The following UBE2H variants were observed in gnomAD, a reference collection of about 807,000 sequenced individuals.
UBE2H encodes ubiquitin conjugating enzyme E2 H.
Under a neutral mutation model 29.0 loss-of-function variants are expected in UBE2H, and 3 were observed. That is an observed-to-expected ratio of 0.10 (90% CI 0.05 to 0.27). The LOEUF is 0.27. UBE2H is among the 10% of genes least tolerant of loss of function. The pLI, the probability that UBE2H is intolerant of heterozygous loss-of-function variation, is 1.00. For synonymous variants in UBE2H, 69 were observed against 82.9 expected, an observed-to-expected ratio of 0.83 and a Z score of 0.91; for missense variants, 68 against 228.2, an observed-to-expected ratio of 0.30 and a Z score of 4.52.
intron 5 of UBE2H, among the ~76,000 whole-genome samples, chr7:129,841,246 C>T (rs745685326): frequency 3.9e-5 from 6 of 152,178 alleles, no homozygotes; most frequent in Non-Finnish European, 8.8e-5. Flanking sequence ...TATAGGTCAA[C>T]AAATCGATGT....
intron 3 of UBE2H, among the ~76,000 whole-genome samples, chr7:129,878,276 G>T (rs1275384480): frequency 1.3e-5 from 2 of 152,082 alleles, no homozygotes; most frequent in Non-Finnish European, 2.9e-5. Flanking sequence ...CATTCACAAC[G>T]CTGAAACTTA....
chr7:129,952,657 G>T lies in UBE2H; in HGVS notation c.-102C>A. ...CCGCGCCGGCTCCTCGGTGGAGGTG[G>T]CAACACCCCCGCGGTCCCGGCGGTC... On this transcript the variant is annotated 5_prime_UTR_variant, in exon 1 of 7. Coordinates refer to ENST00000355621, the MANE Select transcript of UBE2H (RefSeq NM_003344.4). The T allele has an allele frequency of 7.1e-7, 1 of 1,418,224 alleles. No individual in the cohort carries two copies. The highest frequency in any genetic ancestry group is 9.5e-7 in the Non-Finnish European group (1 of 1,057,428). 87.9% of individuals were successfully genotyped at this position (1,418,224 alleles called of 1,614,324 possible). A position where few individuals can be genotyped will look rare whatever the true frequency, so the allele number is the denominator to read the frequency against.
chr7:129,870,372 T>C (rs958840689), intron 3 of UBE2H, among the ~76,000 whole-genome samples: 1 of 152,322 alleles, frequency 6.6e-6, no homozygotes, highest in Admixed American at 6.5e-5. Flanking sequence ...TCCCAGCACA[T>C]TGGGAGGCCA....
At chr7:129,941,660 C>T (rs1271428066) in intron 1 of UBE2H, among the ~76,000 whole-genome samples, 1 of 152,038 alleles carries the variant, frequency 6.6e-6, no homozygotes, top group African/African-American at 2.4e-5. Context: ...TGATGGCTTG[C>T]TGCACCCTCA....
At chr7:129,890,545 A>C (rs1185807509) in intron 1 of UBE2H, among the ~76,000 whole-genome samples, 2 of 151,914 alleles carry the variant, frequency 1.3e-5, no homozygotes, top group Non-Finnish European at 2.9e-5. Flanking sequence ...ATGCATGGCT[A>C]ATTTTTGTAT....
intron 5 of UBE2H, among the ~76,000 whole-genome samples, chr7:129,845,314 T>C (rs77321232): frequency 6.6e-6 from 1 of 152,144 alleles, no homozygotes; most frequent in Admixed American, 6.5e-5. Context: ...GGGATCTGTA[T>C]GTGTGTGATA....
intron 3 of UBE2H, among the ~76,000 whole-genome samples, chr7:129,871,639 G>A (rs553956884): frequency 2.0e-5 from 3 of 151,886 alleles, no homozygotes; most frequent in South Asian, 2.1e-4. Flanking sequence ...ACTTGAACCC[G>A]GGGGGCAGAG....
chr7:129,837,075 CATGTACTATA>C (rs1307563186), intron 6 of UBE2H, among the ~76,000 whole-genome samples: 1 of 152,064 alleles, frequency 6.6e-6, no homozygotes, highest in Middle Eastern at 3.2e-3. Context: ...CTTTTTCAAA[CATGTACTATA>C]ATACAGCGCC....
intron 5 of UBE2H, among the ~76,000 whole-genome samples, chr7:129,852,591 A>C (rs1473211206): frequency 6.6e-6 from 1 of 152,226 alleles, no homozygotes; most frequent in East Asian, 1.9e-4. Flanking sequence ...GACTTTTCCC[A>C]AATGTTGATT....
chr7:129,870,776 T>C (rs1806014296), intron 3 of UBE2H, among the ~76,000 whole-genome samples: 3 of 152,136 alleles, frequency 2.0e-5, no homozygotes. Flanking sequence ...GTAATCTTTC[T>C]ATTACATTTA....
chr7:129,839,181 C>T, intron 6 of UBE2H, 26 bp downstream of exon 6: 1 of 1,603,340 alleles, frequency 6.2e-7, no homozygotes, highest in Non-Finnish European at 8.5e-7. Context: ...TCTTTTGTCT[C>T]CAGGTTAAAC....
intron 6 of UBE2H, among the ~76,000 whole-genome samples, chr7:129,836,879 C>CAAAA (rs61226846): frequency 0.011 from 838 of 73,652 alleles, 87 homozygotes; most frequent in Non-Finnish European, 0.017. Flanking sequence ...GACTCCGTCT[C>CAAAA]AAAAAAAAAA....
At chr7:129,838,936 C>T (rs1442692124) in intron 6 of UBE2H, among the ~76,000 whole-genome samples, 3 of 152,124 alleles carry the variant, frequency 2.0e-5, no homozygotes, top group African/African-American at 7.2e-5. Context: ...CACGGCCAGT[C>T]GCAAACTTAT....
intron 1 of UBE2H, among the ~76,000 whole-genome samples, chr7:129,917,926 A>G (rs1807076596): frequency 6.6e-6 from 1 of 152,242 alleles, no homozygotes; most frequent in Admixed American, 6.5e-5. Flanking sequence ...CAAGTGTGAG[A>G]CTTCTCACCA....
rs143109706 is a variant in UBE2H at position 129,835,798 on chromosome 7, G to A, written c.428-737C>T. Among the ~76,000 whole-genome samples, 7 of 152,200 alleles carry A rather than the reference G, an allele frequency of 4.6e-5. No individual in the cohort carries two copies. In the East Asian group the frequency reaches 1.4e-3, roughly 29 times the overall value. On this transcript the variant is annotated intron_variant, in intron 6 of 6. Coordinates refer to ENST00000355621, the MANE Select transcript of UBE2H (RefSeq NM_003344.4). ...TCAAGTGAACAGCCTCCACACAATA[G>A]GAAAAGACATGACAGAAACCTATTC...
At chr7:129,845,392 G>A (rs1028092624) in intron 5 of UBE2H, among the ~76,000 whole-genome samples, 2 of 152,142 alleles carry the variant, frequency 1.3e-5, no homozygotes, top group African/African-American at 4.8e-5. Flanking sequence ...CCAAAGAATA[G>A]ACGGGAAGGA....
At chr7:129,887,592 G>A (rs1584766401) in intron 1 of UBE2H, among the ~76,000 whole-genome samples, 1 of 152,242 alleles carries the variant, frequency 6.6e-6, no homozygotes, top group East Asian at 1.9e-4. Context: ...AAGTTTTCCT[G>A]AGGTGCGACA....
At chr7:129,872,753 G>A (rs969794535) in intron 3 of UBE2H, among the ~76,000 whole-genome samples, 5 of 135,658 alleles carry the variant, frequency 3.7e-5, no homozygotes, top group Non-Finnish European at 4.6e-5. Flanking sequence ...TGAGGCAGGA[G>A]AATTGCTTGA....
At chr7:129,868,586 CAAAAAAAAAAAAA>C (rs11356893) in intron 3 of UBE2H, among the ~76,000 whole-genome samples, 11 of 69,520 alleles carry the variant, frequency 1.6e-4, no homozygotes, top group African/African-American at 3.6e-4. Flanking sequence ...GACTCCGTCT[CAAAAAAAAAAAAA>C]AAAAAAAAAA....
Sources: gnomAD v4.1 joint callset for allele counts (sites outside exome capture counted in the v4.1 genomes callset) on GRCh38, gnomAD v4.1.1 for gene constraint, MANE v1.5 for transcripts, NCBI Gene and HGNC (gene_info 2026-07-23, HGNC 2026-07-21) for gene names.